Variants in NRXN3 observed in about 807,000 individuals in gnomAD.
The protein encoded by NRXN3 is neurexin 3, also known as neurexin III.
NRXN3 carries 32 observed loss-of-function variants against 137.6 expected under a neutral mutation model. The observed-to-expected ratio is 0.23, with a 90% CI of 0.18 to 0.31. The LOEUF is 0.31. Among genes scored for constraint, NRXN3 ranks in the 10% least tolerant of loss-of-function variants. The probability of loss-of-function intolerance (pLI) is 1.00; values close to 1 mark genes in which losing one functional copy is unlikely to be tolerated. For missense variants in NRXN3, 1,574 were observed against 2,062.5 expected (o/e 0.76, Z 4.59); for synonymous variants, 798 against 784.5 (o/e 1.02, Z -0.29).
intron 19 of NRXN3, among the ~76,000 whole-genome samples, chr14:79,710,639 A>G (rs2098800071): frequency 6.6e-6 from 1 of 152,244 alleles, no homozygotes; most frequent in Non-Finnish European, 1.5e-5. Flanking sequence ...GGCATGAGAT[A>G]TATAACTGAG....
At chr14:79,343,859 G>A (rs551532584) in intron 15 of NRXN3, among the ~76,000 whole-genome samples, 14 of 152,016 alleles carry the variant, frequency 9.2e-5, no homozygotes, top group African/African-American at 2.9e-4. Flanking sequence ...GGCTGATCTC[G>A]AACTCCTAGG....
intron 15 of NRXN3, among the ~76,000 whole-genome samples, chr14:79,334,704 G>C (rs187229151): frequency 4.4e-3 from 664 of 152,240 alleles, no homozygotes; most frequent in Non-Finnish European, 7.9e-3. Flanking sequence ...GCTGCTGCAG[G>C]AATCTAGGCA....
chr14:78,694,225 G>T (rs1275712304), intron 6 of NRXN3, among the ~76,000 whole-genome samples: 2 of 151,896 alleles, frequency 1.3e-5, no homozygotes, highest in African/African-American at 4.8e-5. Context: ...CTAAAAGAAG[G>T]CTTACTTGCA....
At chr14:78,647,392 A>G (rs181365398) in intron 5 of NRXN3, among the ~76,000 whole-genome samples, 119 of 152,326 alleles carry the variant, frequency 7.8e-4, no homozygotes, top group Middle Eastern at 3.4e-3. Context: ...GGTGGTTACA[A>G]TCTTCCGCAG....
chr14:79,733,264 AAAT>A (rs2098930417), intron 19 of NRXN3, among the ~76,000 whole-genome samples: 1 of 152,196 alleles, frequency 6.6e-6, no homozygotes, highest in Non-Finnish European at 1.5e-5. Context: ...GCACAGTAAA[AAAT>A]AAAATCTGCC....
chr14:79,864,624 G>T lies in NRXN3; in HGVS notation c.*2660G>T, dbSNP rs565088217. 2 of 152,310 alleles carry T rather than the reference G, an allele frequency of 1.3e-5. No individual in the cohort carries two copies. The highest frequency in any genetic ancestry group is 4.1e-4 in the South Asian group (2 of 4,828). 9.4% of individuals were successfully genotyped at this position (152,310 alleles called of 1,614,324 possible). On this transcript the variant is annotated 3_prime_UTR_variant, in exon 21 of 21. Coordinates refer to ENST00000335750, the MANE Select transcript of NRXN3 (RefSeq NM_001330195.2). ...CTGTTACTTGAGGCATTATTTTTTA[G>T]ATTGCTATGATAGAATAACCAGGAG...
chr14:79,031,990 G>A (rs1272558228), intron 15 of NRXN3, among the ~76,000 whole-genome samples: 2 of 152,042 alleles, frequency 1.3e-5, no homozygotes, highest in African/African-American at 4.8e-5. Flanking sequence ...ACCGGACTAA[G>A]ACAAAAAACT....
intron 15 of NRXN3, among the ~76,000 whole-genome samples, chr14:79,059,644 T>C (rs1057140818): frequency 3.3e-5 from 5 of 152,208 alleles, no homozygotes; most frequent in African/African-American, 9.7e-5. Context: ...TTGATTCTCA[T>C]GTTATTGCAG....
intron 2 of NRXN3, among the ~76,000 whole-genome samples, chr14:78,255,073 G>T (rs536403604): frequency 6.6e-6 from 1 of 150,726 alleles, no homozygotes; most frequent in Admixed American, 6.7e-5. Flanking sequence ...CTGGAAGCCT[G>T]CCAAGCAAAT....
chr14:78,761,307 A>C (rs1408371161), intron 8 of NRXN3, among the ~76,000 whole-genome samples: 3 of 152,174 alleles, frequency 2.0e-5, no homozygotes, highest in East Asian at 3.9e-4. Context: ...TGGTAATATC[A>C]GCTGTTGCTG....
intron 16 of NRXN3, among the ~76,000 whole-genome samples, chr14:79,598,793 C>G (rs1206899719): frequency 6.6e-6 from 1 of 152,190 alleles, no homozygotes; most frequent in African/African-American, 2.4e-5. Context: ...TTTGAAGGTA[C>G]AGTGACTCCA....
intron 15 of NRXN3, among the ~76,000 whole-genome samples, chr14:79,048,603 T>C (rs189915750): frequency 6.7e-6 from 1 of 148,974 alleles, no homozygotes; most frequent in Admixed American, 6.9e-5. Context: ...TGCGAATGAT[T>C]ATCTGAGGCT....
chr14:78,762,774 A>C (rs917854731), intron 8 of NRXN3, among the ~76,000 whole-genome samples: 6 of 152,186 alleles, frequency 3.9e-5, no homozygotes, highest in African/African-American at 1.4e-4. Context: ...GTGCTCAATA[A>C]TTTTTAGCTC....
Position 79,109,135 on chromosome 14 carries a change from G to T in NRXN3, c.3262+120994G>T, listed in dbSNP as rs201949225. Among the ~76,000 whole-genome samples the T allele has an allele frequency of 3.3e-5, 5 of 152,116 alleles. No individual in the cohort carries two copies. The East Asian group carries it at 9.6e-4, about 29-fold the overall frequency. ...GGTTTTTAATGGACTTTCCCCAGTT[G>T]GTTGCTTATTTCCTGATATTTTTAT... is the stretch of plus-strand genomic sequence containing the variant. On this transcript the variant is annotated intron_variant, in intron 15 of 20. Transcript: ENST00000335750.
chr14:79,206,407 T>C (rs2066793953), intron 15 of NRXN3, among the ~76,000 whole-genome samples: 1 of 152,204 alleles, frequency 6.6e-6, no homozygotes, highest in African/African-American at 2.4e-5. Context: ...ATGGGCTCTA[T>C]GTCTGCCTGT....
At chr14:78,942,348 C>T (rs574408950) in intron 10 of NRXN3, among the ~76,000 whole-genome samples, 1 of 152,222 alleles carries the variant, frequency 6.6e-6, no homozygotes, top group Non-Finnish European at 1.5e-5. Context: ...TGTCTTAACA[C>T]TGAGCCTCTA....
At chr14:78,447,717 T>A (rs891887532) in intron 4 of NRXN3, among the ~76,000 whole-genome samples, 2 of 152,248 alleles carry the variant, frequency 1.3e-5, no homozygotes, top group Admixed American at 1.3e-4. Context: ...TTTGAGTTAA[T>A]CATGCTTGCT....
At chr14:79,785,959 C>T (rs1379079118) in intron 19 of NRXN3, among the ~76,000 whole-genome samples, 1 of 151,884 alleles carries the variant, frequency 6.6e-6, no homozygotes, top group East Asian at 1.9e-4. Flanking sequence ...CCCTTTACCT[C>T]CAGGTCACCT....
At chr14:78,806,796 T>G (rs911085052) in intron 9 of NRXN3, among the ~76,000 whole-genome samples, 2 of 152,322 alleles carry the variant, frequency 1.3e-5, no homozygotes, top group African/African-American at 4.8e-5. Context: ...CTATAACATT[T>G]TATTATTACA....
Sources: gnomAD v4.1 joint callset for allele counts (sites outside exome capture counted in the v4.1 genomes callset) on GRCh38, gnomAD v4.1.1 for gene constraint, MANE v1.5 for transcripts, NCBI Gene and HGNC (gene_info 2026-07-23, HGNC 2026-07-21) for gene names.